The following SPEF2 variants were observed in gnomAD, a reference collection of about 807,000 sequenced individuals.
SPEF2 encodes the protein sperm flagellar and cilia associated 2.
Under a neutral mutation model 224.6 loss-of-function variants are expected in SPEF2, and 187 were observed. The observed-to-expected ratio is 0.83, with a 90% CI of 0.74 to 0.94. The LOEUF is 0.94. Among genes scored for constraint, SPEF2 ranks in the 40% least tolerant of loss-of-function variants. The pLI, the probability that SPEF2 is intolerant of heterozygous loss-of-function variation, is 0.00. For synonymous variants in SPEF2, 715 were observed against 707.3 expected (o/e 1.01, Z -0.17); for missense variants, 2,170 against 2,135.6 (o/e 1.02, Z -0.32).
chr5:35,668,468 A>T lies in SPEF2; in HGVS notation c.1355+1209A>T, dbSNP rs553984097. Among the ~76,000 whole-genome samples the T allele has an allele frequency of 2.0e-5, 3 of 152,242 alleles. No homozygotes were observed. In the South Asian group the frequency reaches 6.2e-4, roughly 32 times the overall value. On this transcript the variant is annotated intron_variant, in intron 9 of 36. Coordinates refer to ENST00000356031, the MANE Select transcript of SPEF2 (RefSeq NM_024867.4). ...TGAAATGACAAAGTTATAGAAACTGAGAACAGATTAGTGATTGCCAGGGGC... is the reference window on the plus strand; with the variant it reads ...TGAAATGACAAAGTTATAGAAACTGTGAACAGATTAGTGATTGCCAGGGGC...
chr5:35,707,348 G>A (rs995879380), intron 18 of SPEF2, among the ~76,000 whole-genome samples: 1 of 152,184 alleles, frequency 6.6e-6, no homozygotes, highest in Non-Finnish European at 1.5e-5. Flanking sequence ...AGGACTTAAA[G>A]AGACTTAACA....
intron 1 of SPEF2, among the ~76,000 whole-genome samples, chr5:35,626,689 T>C (rs373484237): frequency 1.3e-4 from 20 of 152,218 alleles, no homozygotes; most frequent in African/African-American, 4.1e-4. Flanking sequence ...GTGGGAACCA[T>C]TGACATCTTT....
rs1741122571 is a variant in SPEF2 at position 35,711,484 on chromosome 5, A to G, written c.2840-1328A>G. ...TGAAGGGTCTATTATCAAATGCAGTATCAATTGTCACTATTTAATTGAGAA... is the reference window on the plus strand; with the variant it reads ...TGAAGGGTCTATTATCAAATGCAGTGTCAATTGTCACTATTTAATTGAGAA... On this transcript the variant is annotated intron_variant, in intron 19 of 36. Transcript: ENST00000356031. Among the ~76,000 whole-genome samples, 3 of 152,282 alleles carry G rather than the reference A, an allele frequency of 2.0e-5. No homozygotes were observed. The South Asian group carries it at 6.2e-4, about 32-fold the overall frequency.
intron 19 of SPEF2, chr5:35,710,110 A>G (rs966549231): frequency 1.1e-5 from 11 of 985,306 alleles, no homozygotes; most frequent in Non-Finnish European, 1.3e-5. Flanking sequence ...TACAGGCAAA[A>G]TACACACATC....
At chr5:35,735,310 C>T (rs76426889) in intron 21 of SPEF2, among the ~76,000 whole-genome samples, 2,983 of 152,248 alleles carry the variant, frequency 0.02, 69 homozygotes, top group South Asian at 0.054. Context: ...TATCCTGAAT[C>T]CCAGTCTTAC....
chr5:35,653,712 C>T (rs868132485), intron 6 of SPEF2, among the ~76,000 whole-genome samples: 3 of 151,926 alleles, frequency 2.0e-5, no homozygotes, highest in Middle Eastern at 3.2e-3. Flanking sequence ...TTTGGGAGGC[C>T]GAGGCAGGCA....
At chr5:35,675,895 G>T in intron 10 of SPEF2, 1 of 456,052 alleles carries the variant, frequency 2.2e-6, no homozygotes, top group Non-Finnish European at 4.4e-6. Flanking sequence ...GGGCTTGATA[G>T]GGGTCTGGGA....
chr5:35,694,348 G>A lies in SPEF2; in HGVS notation c.1960G>A (p.Gly654Ser), dbSNP rs1561209443. 2 of 1,612,672 alleles carry A rather than the reference G, an allele frequency of 1.2e-6. No individual in the cohort carries two copies. Among genetic ancestry groups the A allele is most frequent in the Admixed American group, 1.7e-5 (1 of 59,938 alleles). ...VSDEVLPETEGETMLSANADK... is the reference protein window; with the variant it reads ...VSDEVLPETESETMLSANADK... The stretch of plus-strand genomic sequence containing the variant: ...AGATGAAGTATTACCAGAAACAGAA[G>A]GTGAAACAATGCTTAGTAAGATCTC... The change falls in exon 13 of 37, where the codon GGT (glycine) becomes AGT (serine). Residue 654 changes from glycine to serine, a missense_variant. Gly to Ser is a moderately conservative substitution (Grantham distance 56). Transcript: ENST00000356031.
At chr5:35,674,337 C>CTTTTTTTTTTTTTTT (rs35129181) in intron 10 of SPEF2, among the ~76,000 whole-genome samples, 2 of 94,460 alleles carry the variant, frequency 2.1e-5, no homozygotes, top group East Asian at 3.4e-4. Flanking sequence ...TTTTCGTCTT[C>CTTTTTTTTTTTTTTT]TTTTTTTTTT....
intron 36 of SPEF2, chr5:35,807,687 G>T: frequency 2.0e-6 from 3 of 1,536,060 alleles, no homozygotes; most frequent in Non-Finnish European, 2.6e-6. Context: ...AAAAGGTTGG[G>T]CACCACTTCC....
At chr5:35,622,221 G>A (rs57608183) in intron 1 of SPEF2, among the ~76,000 whole-genome samples, 14,540 of 152,002 alleles carry the variant, frequency 0.096, 855 homozygotes, top group East Asian at 0.18. Flanking sequence ...AGTAGCATTT[G>A]TTTTTGGAGA....
chr5:35,745,977 T>C (rs1748467539), intron 23 of SPEF2, among the ~76,000 whole-genome samples: 2 of 152,108 alleles, frequency 1.3e-5, no homozygotes, highest in African/African-American at 4.8e-5. Flanking sequence ...GGGAGACCCA[T>C]AGACAATTCA....
chr5:35,801,286 CG>C (rs1561387098), intron 34 of SPEF2, among the ~76,000 whole-genome samples: 1 of 152,132 alleles, frequency 6.6e-6, no homozygotes, highest in East Asian at 1.9e-4. Flanking sequence ...GAGGCCAAGG[CG>C]GGTGGCTCAC....
chr5:35,730,224 A>G (rs1370749723), intron 21 of SPEF2, among the ~76,000 whole-genome samples: 1 of 152,226 alleles, frequency 6.6e-6, no homozygotes, highest in Non-Finnish European at 1.5e-5. Flanking sequence ...AAATGTGAGG[A>G]GATCCTGGGA....
chr5:35,753,487 A>G, intron 23 of SPEF2, 137 bp from the exon 24 acceptor site: 1 of 1,116,622 alleles, frequency 9.0e-7, no homozygotes, highest in Non-Finnish European at 1.3e-6. Context: ...ATGAGCACAT[A>G]CAATACAGGA....
chr5:35,662,133 A>G (rs541039990), intron 8 of SPEF2, among the ~76,000 whole-genome samples: 1 of 152,210 alleles, frequency 6.6e-6, no homozygotes, highest in East Asian at 1.9e-4. Context: ...CTGGTATGAG[A>G]TGGTATCTCA....
intron 23 of SPEF2, among the ~76,000 whole-genome samples, chr5:35,746,872 G>A (rs4260690): frequency 0.56 from 84,683 of 152,000 alleles, 25,459 homozygotes; most frequent in Middle Eastern, 0.7. Context: ...ATTGCCATCA[G>A]GTTATCCAAA....
intron 16 of SPEF2, among the ~76,000 whole-genome samples, chr5:35,701,972 C>G (rs186985689): frequency 5.9e-5 from 9 of 152,248 alleles, no homozygotes; most frequent in African/African-American, 1.9e-4. Context: ...GAGTGAGACC[C>G]TGTCTCCAAA....
chr5:35,720,060 T>C (rs919711979), intron 20 of SPEF2, among the ~76,000 whole-genome samples: 1 of 152,200 alleles, frequency 6.6e-6, no homozygotes, highest in Non-Finnish European at 1.5e-5. Flanking sequence ...AAAGCCTAGG[T>C]AAAATAACCA....
Sources: allele counts gnomAD v4.1 joint callset (sites outside exome capture counted in the v4.1 genomes callset), GRCh38; gene constraint gnomAD v4.1.1; transcripts MANE v1.5; gene names NCBI Gene and HGNC (gene_info 2026-07-23, HGNC 2026-07-21).